The following SLC36A1 variants were observed in gnomAD, a reference collection of about 807,000 sequenced individuals.
SLC36A1 encodes the protein solute carrier family 36 member 1, also known as proton-coupled amino acid transporter 1.
In SLC36A1, 30 loss-of-function variants were observed where a neutral mutation model predicts 47.5. The ratio of observed to expected loss-of-function variants is 0.63; its 90% confidence interval spans 0.47 to 0.86. The LOEUF is 0.86. Among genes scored for constraint, SLC36A1 ranks in the 40% least tolerant of loss-of-function variants. The pLI is 0.00. For synonymous variants in SLC36A1, 255 were observed against 249.7 expected (o/e 1.02, Z -0.20); for missense variants, 517 against 606.0 (o/e 0.85, Z 1.54).
At chr5:151,353,310 C>G in the SLC36A1 span, among the ~76,000 whole-genome samples, 25 of 152,264 alleles carry the variant, frequency 1.6e-4, no homozygotes, top group Middle Eastern at 3.4e-3. Context: ...CACAAAGATA[C>G]TATGTTTAGG....
chr5:151,545,881 A>G, the SLC36A1 span: 3 of 1,614,096 alleles, frequency 1.9e-6, no homozygotes, highest in East Asian at 2.2e-5. Flanking sequence ...ATTTTCATCA[A>G]TTATGTCAAC....
chr5:151,500,340 G>A, the SLC36A1 span, among the ~76,000 whole-genome samples: 1 of 151,924 alleles, frequency 6.6e-6, no homozygotes, highest in Non-Finnish European at 1.5e-5. Flanking sequence ...TGTAAATGAT[G>A]ATAGTACCTA....
At chr5:151,370,574 A>ATTGT in the SLC36A1 span, among the ~76,000 whole-genome samples, 149 of 152,250 alleles carry the variant, frequency 9.8e-4, 2 homozygotes, top group Non-Finnish European at 1.3e-3. Context: ...TCTTTGCAGC[A>ATTGT]TTGTTTGTAA....
the SLC36A1 span, among the ~76,000 whole-genome samples, chr5:151,408,279 C>T: frequency 1.3e-5 from 2 of 152,162 alleles, no homozygotes; most frequent in African/African-American, 4.8e-5. Flanking sequence ...ACTTCTGCCT[C>T]CCGGGTTCAA....
chr5:151,359,978 C>G, the SLC36A1 span, among the ~76,000 whole-genome samples: 1 of 152,162 alleles, frequency 6.6e-6, no homozygotes, highest in Non-Finnish European at 1.5e-5. Context: ...GTCATGTTGT[C>G]ATAAATATTT....
chr5:151,473,631 C>G (rs778496389), intron 7 of SLC36A1, 42 bp from the exon 8 acceptor site: 1 of 1,211,672 alleles, frequency 8.3e-7, no homozygotes, highest in Non-Finnish European at 1.2e-6. Context: ...TTCTGTATAG[C>G]CTTTTGCTTT....
At chr5:151,545,626 G>A in the SLC36A1 span, 1 of 1,614,028 alleles carries the variant, frequency 6.2e-7, no homozygotes, top group Non-Finnish European at 8.5e-7. Context: ...TTGGAAAGAG[G>A]GCATGCTCTC....
chr5:151,542,902 A>G, the SLC36A1 span: 1 of 1,614,192 alleles, frequency 6.2e-7, no homozygotes, highest in Non-Finnish European at 8.5e-7. Flanking sequence ...GTCTGGGTCT[A>G]GGGAGAAGAC....
chr5:151,369,386 C>CA, the SLC36A1 span, among the ~76,000 whole-genome samples: 9 of 152,366 alleles, frequency 5.9e-5, no homozygotes, highest in African/African-American at 1.9e-4. Context: ...ATCCCTCTAA[C>CA]ACACCCCTGA....
the SLC36A1 span, among the ~76,000 whole-genome samples, chr5:151,421,192 CCTTCCT>C: frequency 6.9e-6 from 1 of 145,046 alleles, no homozygotes; most frequent in African/African-American, 2.6e-5. Flanking sequence ...TTCCTTCCTT[CCTTCCT>C]TCCTTCCTTC....
intron 8 of SLC36A1, among the ~76,000 whole-genome samples, chr5:151,474,178 A>AAAAAAAAAAAATAG (rs776318482): frequency 8.4e-6 from 1 of 119,008 alleles, no homozygotes; most frequent in Non-Finnish European, 1.6e-5. Flanking sequence ...AAAAAAAAAA[A>AAAAAAAAAAAATAG]AGAAATTATC....
chr5:151,465,334 G>C (rs954219598), intron 5 of SLC36A1, among the ~76,000 whole-genome samples, 165 bp downstream of exon 5: 1 of 152,202 alleles, frequency 6.6e-6, no homozygotes, highest in African/African-American at 2.4e-5. Flanking sequence ...GTGACCTGGG[G>C]CTGGGTAACC....
the SLC36A1 span, chr5:151,553,456 A>G: frequency 7.3e-7 from 1 of 1,371,486 alleles, no homozygotes; most frequent in Non-Finnish European, 1.0e-6. Flanking sequence ...CAGCCAGGAC[A>G]GGAACCAGAG....
intron 7 of SLC36A1, among the ~76,000 whole-genome samples, 169 bp downstream of exon 7, chr5:151,468,094 G>C (rs193299): frequency 0.38 from 56,771 of 148,252 alleles, 11,024 homozygotes; most frequent in East Asian, 0.5. Flanking sequence ...GTCTCTACTA[G>C]TAAAAATAGA....
At chr5:151,425,703 A>T in the SLC36A1 span, among the ~76,000 whole-genome samples, 1 of 152,132 alleles carries the variant, frequency 6.6e-6, no homozygotes, top group African/African-American at 2.4e-5. Flanking sequence ...GTTATCTAGA[A>T]ACGAAATTCA....
At chr5:151,362,206 TG>T in the SLC36A1 span, among the ~76,000 whole-genome samples, 3 of 152,194 alleles carry the variant, frequency 2.0e-5, no homozygotes, top group Non-Finnish European at 4.4e-5. Context: ...TTCTTAGATT[TG>T]GTCTTTTGAG....
chr5:151,424,778 A>G, the SLC36A1 span, among the ~76,000 whole-genome samples: 1 of 149,006 alleles, frequency 6.7e-6, no homozygotes, highest in African/African-American at 2.4e-5. Flanking sequence ...TCTTTCTAAT[A>G]ACTAAGCTGT....
the SLC36A1 span, among the ~76,000 whole-genome samples, chr5:151,355,384 C>T: frequency 7.9e-5 from 12 of 152,176 alleles, no homozygotes; most frequent in African/African-American, 2.7e-4. Context: ...CCAGGCTATT[C>T]GGTTACAGTG....
At chr5:151,501,107 C>T in the SLC36A1 span, among the ~76,000 whole-genome samples, 1 of 152,296 alleles carries the variant, frequency 6.6e-6, no homozygotes, top group Admixed American at 6.5e-5. Flanking sequence ...GCTGTGAGAC[C>T]TCAGACAAAC....
Sources: allele counts gnomAD v4.1 joint callset (sites outside exome capture counted in the v4.1 genomes callset), GRCh38; gene constraint gnomAD v4.1.1; transcripts MANE v1.5; gene names NCBI Gene and HGNC (gene_info 2026-07-23, HGNC 2026-07-21).